Variants in PEX7 observed in about 807,000 individuals in gnomAD.
PEX7 encodes the protein peroxisomal biogenesis factor 7.
A neutral mutation model predicts 47.5 loss-of-function variants in PEX7; 34 were observed. The ratio of observed to expected loss-of-function variants is 0.72; its 90% CI spans 0.54 to 0.95. The LOEUF (loss-of-function observed/expected upper bound fraction) is 0.95, where lower values mean the gene tolerates loss of function less well. Among genes scored for constraint, PEX7 ranks in the 40% least tolerant of loss-of-function variants. The pLI is 0.00. For synonymous variants in PEX7, 141 were observed against 148.8 expected, an observed-to-expected ratio of 0.95 and a Z score of 0.38; for missense variants, 394 against 400.3, an observed-to-expected ratio of 0.98 and a Z score of 0.13.
intron 8 of PEX7, among the ~76,000 whole-genome samples, chr6:136,881,188 G>A (rs1480141930): frequency 1.3e-5 from 2 of 152,200 alleles, no homozygotes; most frequent in Non-Finnish European, 2.9e-5. Context: ...GGGAGTTCAT[G>A]TTGGAAAGCA....
Position 136,894,122 on chromosome 6 carries a change from G to A in PEX7, c.804-4020G>A, listed in dbSNP as rs532512869. On this transcript the variant is annotated intron_variant, in intron 8 of 9. Transcript: ENST00000318471. ...GAGTGGGGAGATTGCTTGAGGCCAGGAGTTTGAGGCTGCAGTGCCCTATGA... is the reference window on the plus strand; with the variant it reads ...GAGTGGGGAGATTGCTTGAGGCCAGAAGTTTGAGGCTGCAGTGCCCTATGA... Among the ~76,000 whole-genome samples the A allele has an allele frequency of 5.4e-4, 82 of 152,262 alleles. No homozygotes were observed. The South Asian group carries it at 0.017, about 31-fold the overall frequency.
chr6:136,837,810 C>T lies in PEX7; in HGVS notation c.340-7805C>T, dbSNP rs548981089. On this transcript the variant is annotated intron_variant, in intron 3 of 9. Coordinates refer to ENST00000318471, the MANE Select transcript of PEX7 (RefSeq NM_000288.4). ...AAAGAATGAAAGCAATGAATTTAAA[C>T]GCCACACACACACACACACACACAC... Among the ~76,000 whole-genome samples the T allele has an allele frequency of 1.4e-4, 17 of 125,452 alleles. No individual in the cohort carries two copies. The South Asian group carries it at 1.4e-3, about 11-fold the overall frequency. The allele number at this position is 125,452 out of a possible 152,430, so 82.3% of individuals were successfully genotyped here.
chr6:136,892,613 T>G (rs537398880), intron 8 of PEX7, among the ~76,000 whole-genome samples: 1 of 152,324 alleles, frequency 6.6e-6, no homozygotes, highest in South Asian at 2.1e-4. Context: ...TGCCCATAAA[T>G]TCTTTGGTTG....
rs1775728419 is a variant in PEX7 at position 136,900,123 on chromosome 6, A to G, written c.903+1882A>G. ...TATGGCGCTTCCTCGCCCAGGTCTG[A>G]AGAATACCAGATGTTTTCTAAATCC... is the stretch of plus-strand genomic sequence containing the variant. On this transcript the variant is annotated intron_variant, in intron 9 of 9. Coordinates refer to ENST00000318471, the MANE Select transcript of PEX7 (RefSeq NM_000288.4). The surrounding 1 kb of genome is among the most constrained non-coding windows in gnomAD (Gnocchi z 4.2). 1 of 153,980 alleles carries G rather than the reference A, an allele frequency of 6.5e-6. No homozygotes were observed. The highest frequency in any genetic ancestry group is 2.4e-5 in the African/African-American group (1 of 41,478). The allele number at this position is 153,980 out of a possible 1,614,324, so 9.5% of individuals were successfully genotyped here. A position where few individuals can be genotyped will look rare whatever the true frequency, so the allele number is the denominator to read the frequency against.
At chr6:136,859,276 A>G (rs947153994) in intron 5 of PEX7, among the ~76,000 whole-genome samples, 2 of 152,202 alleles carry the variant, frequency 1.3e-5, no homozygotes, top group Non-Finnish European at 2.9e-5. Context: ...AGTTGCCTAA[A>G]GACATTGCAT....
At chr6:136,853,136 A>T (rs1323270385) in intron 5 of PEX7, among the ~76,000 whole-genome samples, 1 of 152,220 alleles carries the variant, frequency 6.6e-6, no homozygotes, top group African/African-American at 2.4e-5. Flanking sequence ...TTTTATAAAT[A>T]GTTTCATTGG....
intron 5 of PEX7, among the ~76,000 whole-genome samples, chr6:136,857,239 T>C (rs1323900719): frequency 1.3e-5 from 2 of 152,264 alleles, no homozygotes; most frequent in African/African-American, 2.4e-5. Flanking sequence ...CTTGTTTTCA[T>C]ACATTTCCTA....
chr6:136,826,583 C>A, intron 3 of PEX7, 114 bp downstream of exon 3: 3 of 1,202,626 alleles, frequency 2.5e-6, no homozygotes, highest in Non-Finnish European at 2.4e-6. Context: ...TAAACGTTAG[C>A]ATTTCTTATA....
rs1170511176 is a variant in PEX7, at chr6:136,850,980, ATT to A, written c.526+4808_526+4809del. On this transcript the variant is annotated intron_variant, in intron 5 of 9. Coordinates refer to ENST00000318471, the MANE Select transcript of PEX7 (RefSeq NM_000288.4). Reference sequence around the variant, plus strand: ...TTTATTTCTGCTGTCTTTTTTTTTTATTTTTTTTTTATTTTTAATTTTTTTTT... The same window carrying A: ...TTTATTTCTGCTGTCTTTTTTTTTTATTTTTTTTATTTTTAATTTTTTTTT... 2.7e-3 allele frequency among the ~76,000 whole-genome samples: 112 copies of A among 41,424 alleles called. 1 individual carries two copies. The highest frequency in any genetic ancestry group is 8.7e-3 in the African/African-American group (109 of 12,458). 27.2% of individuals were successfully genotyped at this position (41,424 alleles called of 152,430 possible). A position where few individuals can be genotyped will look rare whatever the true frequency, so the allele number is the denominator to read the frequency against.
chr6:136,826,993 T>C (rs1774204472), intron 3 of PEX7, among the ~76,000 whole-genome samples: 1 of 152,198 alleles, frequency 6.6e-6, no homozygotes, highest in Admixed American at 6.5e-5. Flanking sequence ...GCATAGAAAA[T>C]AGTTTGGGCT....
chr6:136,828,203 A>G (rs1774232134), intron 3 of PEX7, among the ~76,000 whole-genome samples: 1 of 152,310 alleles, frequency 6.6e-6, no homozygotes, highest in Admixed American at 6.5e-5. Context: ...GTTGATGGCT[A>G]CTTTAGTATG....
At chr6:136,899,525 T>C (rs1775716143) in intron 9 of PEX7, among the ~76,000 whole-genome samples, 1 of 152,102 alleles carries the variant, frequency 6.6e-6, no homozygotes, top group African/African-American at 2.4e-5. Context: ...ATTACAGACA[T>C]GAACCACCGT....
At chr6:136,844,285 G>A (rs577682277) in intron 3 of PEX7, among the ~76,000 whole-genome samples, 2 of 152,184 alleles carry the variant, frequency 1.3e-5, no homozygotes, top group East Asian at 1.9e-4. Flanking sequence ...TGGGAGGACC[G>A]CTTGAGCCCA....
At chr6:136,894,341 C>A (rs1459841651) in intron 8 of PEX7, among the ~76,000 whole-genome samples, 1 of 152,162 alleles carries the variant, frequency 6.6e-6, no homozygotes, top group Non-Finnish European at 1.5e-5. Flanking sequence ...CCTGTAATCC[C>A]AGCACTTTGG....
At chr6:136,835,741 T>A (rs1415609392) in intron 3 of PEX7, among the ~76,000 whole-genome samples, 1 of 152,218 alleles carries the variant, frequency 6.6e-6, no homozygotes, top group African/African-American at 2.4e-5. Flanking sequence ...ATGACCTTCG[T>A]AAGTGTGTTA....
chr6:136,885,569 TA>T (rs1370388777), intron 8 of PEX7, among the ~76,000 whole-genome samples: 3 of 152,184 alleles, frequency 2.0e-5, no homozygotes, highest in Admixed American at 6.5e-5. Context: ...TACTCTACTT[TA>T]AAATTCAGGC....
intron 4 of PEX7, 87 bp downstream of exon 4, chr6:136,845,779 T>A (rs1053370246): frequency 2.3e-6 from 2 of 865,192 alleles, no homozygotes; most frequent in African/African-American, 3.3e-5. Flanking sequence ...AACATACTTC[T>A]GTAGCTCTAT....
intron 5 of PEX7, among the ~76,000 whole-genome samples, chr6:136,865,646 C>A (rs997058440): frequency 1.3e-5 from 2 of 151,672 alleles, no homozygotes; most frequent in African/African-American, 2.4e-5. Flanking sequence ...GGCGTGGTAG[C>A]ACACATCTGT....
At chr6:136,867,516 TAAATAG>T (rs1775095210) in intron 6 of PEX7, among the ~76,000 whole-genome samples, 1 of 151,842 alleles carries the variant, frequency 6.6e-6, no homozygotes, top group Non-Finnish European at 1.5e-5. Flanking sequence ...AAAAAAAAAT[TAAATAG>T]AAAAAAGCTT....
Sources: gnomAD v4.1 joint callset for allele counts (sites outside exome capture counted in the v4.1 genomes callset) on GRCh38, gnomAD v4.1.1 for gene constraint, Gnocchi (gnomAD v3.1) non-coding constraint, MANE v1.5 for transcripts, NCBI Gene and HGNC (gene_info 2026-07-23, HGNC 2026-07-21) for gene names.